Variants in RPS4X observed in about 807,000 individuals in gnomAD.
RPS4X encodes the protein small ribosomal subunit protein eS4, X isoform.
For missense variants in RPS4X, 90 were observed against 219.1 expected (o/e 0.41, Z 3.72); for synonymous variants, 76 against 76.8 (o/e 0.99, Z 0.06).
chrX:72,275,173 T>G, intron 3 of RPS4X, 23 bp from the exon 4 acceptor site: 137 of 1,044,205 alleles, frequency 1.3e-4, no homozygotes, highest in Non-Finnish European at 1.6e-4. Flanking sequence ...AGTAACCGGT[T>G]ACTACATACA....
At chrX:72,274,938 T>G in intron 4 of RPS4X, 115 bp downstream of exon 4, 1 of 460,922 alleles carries the variant, frequency 2.2e-6, no homozygotes, top group South Asian at 3.6e-5. Context: ...TTTCCAGGTA[T>G]GAGATTTTAA....
chrX:72,273,714 G>A, intron 5 of RPS4X, 87 bp downstream of exon 5: 3 of 818,372 alleles, frequency 3.7e-6, no homozygotes, highest in Non-Finnish European at 5.3e-6. Context: ...GGAGCAGATG[G>A]TTTTTAATAA....
At position 72,272,775 on chromosome X, in the gene RPS4X, G is replaced by A; in HGVS notation, c.691-3C>T. On this transcript the variant is annotated splice_polypyrimidine_tract_variant and splice_region_variant and intron_variant, in intron 6 of 6. Transcript: ENST00000316084. ...AGAGAAATCCATGGTTTGTTGCCCT[G>A]GAAGAGAAAACAAGCAGAATCAAAA... 1 of 1,121,738 alleles carries A rather than the reference G, an allele frequency of 8.9e-7. No homozygotes were observed. Among genetic ancestry groups the A allele is most frequent in the South Asian group, 1.9e-5 (1 of 53,197 alleles). 92.4% of individuals were successfully genotyped at this position (1,121,738 alleles called of 1,213,427 possible).
intron 1 of RPS4X, 88 bp from the exon 2 acceptor site, chrX:72,276,322 A>G: frequency 1.5e-6 from 1 of 647,159 alleles, no homozygotes; most frequent in South Asian, 2.6e-5. Context: ...GTTTAGTTTC[A>G]TCTTCAGCAA....
intron 3 of RPS4X, 88 bp from the exon 4 acceptor site, chrX:72,275,238 A>T (rs2043197861): frequency 1.7e-6 from 1 of 600,866 alleles, no homozygotes; most frequent in Non-Finnish European, 2.7e-6. Context: ...CGAAACAAAA[A>T]GAACCCCCAT....
chrX:72,272,797 A>C (rs376367408), intron 6 of RPS4X, 25 bp from the exon 7 acceptor site: 8 of 1,057,915 alleles, frequency 7.6e-6, no homozygotes, highest in African/African-American at 1.9e-5. Context: ...AAGCAGAATC[A>C]AAACCCACCA....
chrX:72,274,972 A>C lies in RPS4X; in HGVS notation c.360+81T>G, dbSNP rs781106009. Reference sequence around the variant, plus strand: ...AACTAATCAATACCCACCTCATTGCAAGCAGCACTCGTACTCAATGCAGGC... The same window carrying C: ...AACTAATCAATACCCACCTCATTGCCAGCAGCACTCGTACTCAATGCAGGC... On this transcript the variant is annotated intron_variant, in intron 4 of 6. Coordinates refer to ENST00000316084, the MANE Select transcript of RPS4X (RefSeq NM_001007.5). 7.5e-5 allele frequency: 44 copies of C among 584,853 alleles called. No individual in the cohort carries two copies. In the South Asian group the frequency reaches 1.1e-3, roughly 14 times the overall value. The allele number at this position is 584,853 out of a possible 1,213,427, so 48.2% of individuals were successfully genotyped here.
At chrX:72,274,460 A>C in intron 4 of RPS4X, 1 of 343,376 alleles carries the variant, frequency 2.9e-6, no homozygotes, top group African/African-American at 2.6e-5. Flanking sequence ...ATTAGGAGCC[A>C]CATCAGTCAA....
intron 1 of RPS4X, among the ~76,000 whole-genome samples, chrX:72,276,604 G>A (rs1425229194): frequency 1.8e-5 from 2 of 112,022 alleles, no homozygotes; most frequent in African/African-American, 6.5e-5. Context: ...AAATGAGCCA[G>A]GAGTCTACCT....
chrX:72,272,395 T>C lies in RPS4X; in HGVS notation c.*276A>G. The C allele has an allele frequency of 1.0e-5, 3 of 291,089 alleles. No homozygotes were observed. Among genetic ancestry groups the C allele is most frequent in the East Asian group, 1.2e-4 (2 of 17,080 alleles). The allele number at this position is 291,089 out of a possible 1,213,427, so 24.0% of individuals were successfully genotyped here. ...CTTGGCCAAGTCAAGGCGGGGGAGA[T>C]AAATACTCCGGGATTTCTTGGCTCT... On this transcript the variant is annotated 3_prime_UTR_variant, in exon 7 of 7. Transcript: ENST00000316084.
chrX:72,273,205 C>G, intron 6 of RPS4X, 27 bp downstream of exon 6: 1 of 1,185,314 alleles, frequency 8.4e-7, no homozygotes, highest in Non-Finnish European at 1.1e-6. Flanking sequence ...TTTCCTCAGA[C>G]TAGAGAGAAG....
At chrX:72,274,676 G>A (rs1265075950) in intron 4 of RPS4X, 2 of 236,383 alleles carry the variant, frequency 8.5e-6, no homozygotes, top group Non-Finnish European at 1.6e-5. Context: ...ATGGCAAAGG[G>A]CTCCTACGTC....
In RPS4X at chrX:72,272,474, C is replaced by T; in HGVS notation, c.*197G>A. The T allele has an allele frequency of 5.3e-6, 2 of 377,183 alleles. No homozygotes were observed. Among genetic ancestry groups the T allele is most frequent in the Non-Finnish European group, 9.2e-6 (2 of 216,783 alleles). The allele number at this position is 377,183 out of a possible 1,213,427, so 31.1% of individuals were successfully genotyped here. The stretch of plus-strand genomic sequence containing the variant: ...TTCCCAAGTCTGGTATCTTCTACTT[C>T]CCACCACTAACTAAGCCCAGCCAAT... On this transcript the variant is annotated 3_prime_UTR_variant, in exon 7 of 7. Transcript: ENST00000316084.
intron 4 of RPS4X, chrX:72,274,773 C>A: frequency 3.6e-6 from 1 of 280,327 alleles, no homozygotes; most frequent in Non-Finnish European, 6.4e-6. Flanking sequence ...GAATTCATTT[C>A]TACCACAAAA....
intron 1 of RPS4X, 21 bp downstream of exon 1, chrX:72,277,172 C>A (rs1418274536): frequency 1.7e-6 from 2 of 1,210,713 alleles, no homozygotes; most frequent in Non-Finnish European, 2.2e-6. Context: ...GTCCTAAGAG[C>A]TCGCTAACTA....
At chrX:72,276,752 A>G (rs891887988) in intron 1 of RPS4X, among the ~76,000 whole-genome samples, 6 of 112,648 alleles carry the variant, frequency 5.3e-5, no homozygotes, top group Non-Finnish European at 9.4e-5. Context: ...CTTTAAAAAG[A>G]GTAAGGAAGC....
chrX:72,276,114 C>T (rs376987951), intron 2 of RPS4X, 43 bp downstream of exon 2: 80 of 1,099,573 alleles, frequency 7.3e-5, no homozygotes, highest in Middle Eastern at 2.4e-4. Flanking sequence ...CTGGGAGACA[C>T]TTAAAAACAG....
intron 4 of RPS4X, 167 bp downstream of exon 4, chrX:72,274,886 G>T: frequency 2.4e-6 from 1 of 412,286 alleles, no homozygotes; most frequent in East Asian, 3.9e-5. Flanking sequence ...ATGACAAAAA[G>T]TTACATGTAA....
chrX:72,274,168 A>C, intron 4 of RPS4X, 196 bp from the exon 5 acceptor site: 1 of 434,956 alleles, frequency 2.3e-6, no homozygotes. Context: ...CCACTCCTCC[A>C]ATGTAAATGC....
Sources: allele counts gnomAD v4.1 joint callset (sites outside exome capture counted in the v4.1 genomes callset), GRCh38; gene constraint gnomAD v4.1.1; transcripts MANE v1.5; gene names NCBI Gene and HGNC (gene_info 2026-07-23, HGNC 2026-07-21).